Variants in SRPK2 observed in about 807,000 individuals in gnomAD.
SRPK2 encodes SRSF protein kinase 2.
In SRPK2, 21 loss-of-function variants were observed where a neutral mutation model predicts 90.8. The ratio of observed to expected loss-of-function variants is 0.23; its 90% CI spans 0.16 to 0.33. The LOEUF (loss-of-function observed/expected upper bound fraction) is 0.33. SRPK2 is among the 10% of genes least tolerant of loss of function. The pLI is 1.00. For synonymous variants in SRPK2, 288 were observed against 311.1 expected (o/e 0.93, Z 0.78); for missense variants, 620 against 869.0 (o/e 0.71, Z 3.60).
intron 3 of SRPK2, among the ~76,000 whole-genome samples, chr7:105,198,655 A>G (rs1795199829): frequency 6.6e-6 from 1 of 152,212 alleles, no homozygotes; most frequent in African/African-American, 2.4e-5. Context: ...TGAGAACACA[A>G]TGAAAGAAGA....
At chr7:105,350,419 G>A (rs1385664558) in intron 2 of SRPK2, among the ~76,000 whole-genome samples, 2 of 149,538 alleles carry the variant, frequency 1.3e-5, no homozygotes, top group South Asian at 2.1e-4. Context: ...ATGAGCCACC[G>A]CGCCTGGCCG....
intron 3 of SRPK2, among the ~76,000 whole-genome samples, chr7:105,199,557 C>T (rs1795299397): frequency 6.6e-6 from 1 of 152,076 alleles, no homozygotes; most frequent in South Asian, 2.1e-4. Flanking sequence ...AAGGGAGAGA[C>T]ATAGTGATGG....
At chr7:105,233,630 G>A (rs1031178077) in intron 2 of SRPK2, among the ~76,000 whole-genome samples, 29 of 152,168 alleles carry the variant, frequency 1.9e-4, no homozygotes, top group Non-Finnish European at 3.2e-4. Flanking sequence ...AAAGCCGGTG[G>A]ATCACTTAAG....
chr7:105,265,276 C>T (rs927577774), intron 2 of SRPK2, among the ~76,000 whole-genome samples: 1 of 152,056 alleles, frequency 6.6e-6, no homozygotes, highest in Non-Finnish European at 1.5e-5. Context: ...AACAATAATA[C>T]AAATTTTTAA....
chr7:105,215,588 C>T (rs1292172433), intron 2 of SRPK2, among the ~76,000 whole-genome samples: 1 of 152,172 alleles, frequency 6.6e-6, no homozygotes, highest in East Asian at 1.9e-4. Context: ...CCCAAACATC[C>T]ACTAACTGAT....
intron 2 of SRPK2, among the ~76,000 whole-genome samples, chr7:105,242,208 G>A (rs1585316184): frequency 6.6e-6 from 1 of 152,212 alleles, no homozygotes; most frequent in African/African-American, 2.4e-5. Context: ...TTGCCTGCTT[G>A]TGAGAAAGCA....
At chr7:105,353,920 G>A (rs943743508) in intron 2 of SRPK2, among the ~76,000 whole-genome samples, 1 of 152,140 alleles carries the variant, frequency 6.6e-6, no homozygotes, top group African/African-American at 2.4e-5. Flanking sequence ...GGGAGACTGA[G>A]AGCCAATGTT....
Position 105,287,260 on chromosome 7 carries a change from A to T in SRPK2, c.72-83475T>A, listed in dbSNP as rs58974019. On this transcript the variant is annotated intron_variant, in intron 2 of 15. Coordinates refer to ENST00000393651, the MANE Select transcript of SRPK2 (RefSeq NM_182692.3). ...TGGGCGACAGAGCGAGACTCCGTCT[A>T]AAAAAAAAAAAAAAAAAAAAAAAAG... Among the ~76,000 whole-genome samples the T allele has an allele frequency of 9.0e-3, 496 of 54,942 alleles. 1 individual carries two copies. Among genetic ancestry groups the T allele is most frequent in the African/African-American group, 0.035 (460 of 13,228 alleles). 36.0% of individuals were successfully genotyped at this position (54,942 alleles called of 152,430 possible).
At chr7:105,348,102 G>C (rs1816693213) in intron 2 of SRPK2, among the ~76,000 whole-genome samples, 1 of 127,646 alleles carries the variant, frequency 7.8e-6, no homozygotes, top group Non-Finnish European at 1.6e-5. Context: ...TTGAGATGGA[G>C]TTTCGCTCTT....
chr7:105,150,488 C>T (rs1562992291), intron 7 of SRPK2, among the ~76,000 whole-genome samples: 1 of 152,106 alleles, frequency 6.6e-6, no homozygotes, highest in East Asian at 1.9e-4. Context: ...TGCACTCCAA[C>T]CTAGGCGACA....
chr7:105,186,771 C>T (rs890220321), intron 3 of SRPK2, among the ~76,000 whole-genome samples: 1 of 152,180 alleles, frequency 6.6e-6, no homozygotes, highest in Non-Finnish European at 1.5e-5. Context: ...AAAAGGAACA[C>T]AGCTTCCACT....
Position 105,388,703 on chromosome 7 carries a change from C to G in SRPK2, c.17-1G>C. 6.3e-7 allele frequency: 1 copy of G among 1,583,092 alleles called. No individual in the cohort carries two copies. Among genetic ancestry groups the G allele is most frequent in the Non-Finnish European group, 8.6e-7 (1 of 1,163,990 alleles). On this transcript the variant is annotated splice_acceptor_variant, in intron 1 of 15. Coordinates refer to ENST00000393651, the MANE Select transcript of SRPK2 (RefSeq NM_182692.3). LOFTEE classifies it high-confidence loss of function. ...CGCTTTCGGGCCTGAATGGCCAGCA[C>G]TGGGGAAGAGAAGACACACATTAAC...
chr7:105,367,369 C>A (rs1004083688), intron 2 of SRPK2, among the ~76,000 whole-genome samples: 1 of 152,052 alleles, frequency 6.6e-6, no homozygotes. Context: ...GTCAAGCAAT[C>A]CTCCCGCCTC....
At chr7:105,177,653 G>C (rs1792150183) in intron 3 of SRPK2, among the ~76,000 whole-genome samples, 1 of 152,164 alleles carries the variant, frequency 6.6e-6, no homozygotes, top group African/African-American at 2.4e-5. Context: ...CGTCAGGGCA[G>C]GGAGTTCATA....
intron 2 of SRPK2, among the ~76,000 whole-genome samples, chr7:105,327,373 A>AG (rs1336641570): frequency 7.9e-5 from 12 of 152,232 alleles, no homozygotes; most frequent in Admixed American, 7.9e-4. Context: ...ACAATGGCAG[A>AG]GTTAAGCAGT....
At position 105,142,238 on chromosome 7, in the gene SRPK2, T is replaced by C. The variant is rs760328712; in HGVS notation, c.1313A>G (p.Tyr438Cys). 9 of 1,614,038 alleles carry C rather than the reference T, an allele frequency of 5.6e-6. No individual in the cohort carries two copies. Among genetic ancestry groups the C allele is most frequent in the African/African-American group, 1.3e-5 (1 of 74,946 alleles). The part of the protein sequence containing the change: ...DEPNAESDYT[Y>C]SSSYEQFNGE... Reference sequence around the variant, plus strand: ...ATTGAATTGTTCATAGGAGCTGCTATATGTGTAATCACTTTCTGCATTTGG... The same window carrying C: ...ATTGAATTGTTCATAGGAGCTGCTACATGTGTAATCACTTTCTGCATTTGG... Residue 438 changes from tyrosine to cysteine, a missense_variant, in exon 11 of 16, where the codon TAT (tyrosine) becomes TGT (cysteine). By Grantham distance (194) the Tyr-to-Cys change is radical. Coordinates refer to ENST00000393651, the MANE Select transcript of SRPK2 (RefSeq NM_182692.3).
chr7:105,382,549 T>C (rs1481024699), intron 2 of SRPK2, among the ~76,000 whole-genome samples: 1 of 41,656 alleles, frequency 2.4e-5, no homozygotes, highest in Non-Finnish European at 4.2e-5. Context: ...CAAAACTCCA[T>C]CTCAAAAAAA....
intron 2 of SRPK2, among the ~76,000 whole-genome samples, chr7:105,265,101 C>G (rs998884928): frequency 3.9e-5 from 6 of 152,180 alleles, no homozygotes; most frequent in African/African-American, 1.4e-4. Context: ...TCCTTCTACA[C>G]ACAACACACA....
intron 7 of SRPK2, among the ~76,000 whole-genome samples, chr7:105,146,877 C>T (rs141669126): frequency 1.2e-3 from 183 of 152,282 alleles, no homozygotes; most frequent in African/African-American, 4.1e-3. Flanking sequence ...TATTTATGCT[C>T]GTGGAAGCAA....
Sources: allele counts gnomAD v4.1 joint callset (sites outside exome capture counted in the v4.1 genomes callset), GRCh38; gene constraint gnomAD v4.1.1; transcripts MANE v1.5; gene names NCBI Gene and HGNC (gene_info 2026-07-23, HGNC 2026-07-21).